The following SYT1 variants were observed in gnomAD, a reference collection of about 807,000 sequenced individuals.
The protein encoded by SYT1 is synaptotagmin 1.
Under a neutral mutation model 44.8 loss-of-function variants are expected in SYT1, and 8 were observed. The ratio of observed to expected loss-of-function variants is 0.18; its 90% CI spans 0.10 to 0.32. The LOEUF (loss-of-function observed/expected upper bound fraction) is 0.32. Ranked by LOEUF, SYT1 falls within the 10% of genes least tolerant of loss-of-function variation. SYT1 has a pLI of 1.00. For synonymous variants in SYT1, 154 were observed against 188.8 expected, an observed-to-expected ratio of 0.82 and a Z score of 1.51; for missense variants, 286 against 509.3, an observed-to-expected ratio of 0.56 and a Z score of 4.22.
At chr12:79,413,275 G>C (rs1428018136) in intron 9 of SYT1, among the ~76,000 whole-genome samples, 1 of 152,130 alleles carries the variant, frequency 6.6e-6, no homozygotes, top group Non-Finnish European at 1.5e-5. Flanking sequence ...GTGATTTATG[G>C]GTTTTCTCCC....
intron 3 of SYT1, among the ~76,000 whole-genome samples, chr12:79,161,920 G>T (rs1870971717): frequency 6.6e-6 from 1 of 152,062 alleles, no homozygotes; most frequent in South Asian, 2.1e-4. Flanking sequence ...TTTCCCTAAG[G>T]ATATCTGGAA....
intron 9 of SYT1, among the ~76,000 whole-genome samples, chr12:79,422,694 C>T (rs1023278039): frequency 2.0e-5 from 3 of 151,948 alleles, no homozygotes; most frequent in African/African-American, 4.8e-5. Flanking sequence ...CTCTCTCTCT[C>T]TGGGATTTGT....
At chr12:79,335,975 T>C (rs1167568457) in intron 8 of SYT1, among the ~76,000 whole-genome samples, 1 of 152,228 alleles carries the variant, frequency 6.6e-6, no homozygotes, top group Non-Finnish European at 1.5e-5. Flanking sequence ...TACTACATCA[T>C]AATGGGATTT....
chr12:79,339,196 G>T (rs1592980086), intron 8 of SYT1, among the ~76,000 whole-genome samples: 1 of 152,270 alleles, frequency 6.6e-6, no homozygotes, highest in East Asian at 1.9e-4. Context: ...TAATGGGATG[G>T]CTGGGTCAAA....
At chr12:79,225,781 A>ATT (rs975982938) in intron 4 of SYT1, among the ~76,000 whole-genome samples, 2 of 152,088 alleles carry the variant, frequency 1.3e-5, no homozygotes, top group African/African-American at 4.8e-5. Flanking sequence ...AGCCTAACTC[A>ATT]TTTACCCATT....
intron 1 of SYT1, among the ~76,000 whole-genome samples, chr12:78,912,755 A>G (rs561598454): frequency 1.3e-5 from 2 of 152,052 alleles, no homozygotes; most frequent in South Asian, 4.1e-4. Flanking sequence ...TTGGTAGGAC[A>G]TCTAAGTGTT....
At chr12:79,009,579 A>G (rs1206106513) in intron 2 of SYT1, among the ~76,000 whole-genome samples, 1 of 152,198 alleles carries the variant, frequency 6.6e-6, no homozygotes, top group African/African-American at 2.4e-5. Context: ...TACCCTATGA[A>G]GTAAGTAACA....
intron 1 of SYT1, among the ~76,000 whole-genome samples, chr12:78,884,716 G>A (rs1367767550): frequency 6.6e-6 from 1 of 151,118 alleles, no homozygotes; most frequent in African/African-American, 2.4e-5. Flanking sequence ...TGCAATTGTT[G>A]AGTTTAAGAA....
chr12:79,324,188 G>A (rs964716746), intron 8 of SYT1, among the ~76,000 whole-genome samples: 2 of 152,026 alleles, frequency 1.3e-5, no homozygotes, highest in African/African-American at 4.8e-5. Flanking sequence ...CTGACCTTGT[G>A]ATCTGCCTGC....
chr12:79,074,369 C>G (rs906958946), intron 3 of SYT1, among the ~76,000 whole-genome samples: 2 of 152,124 alleles, frequency 1.3e-5, no homozygotes, highest in Non-Finnish European at 2.9e-5. Flanking sequence ...TTAAAAGGCT[C>G]CAGATCCAAG....
chr12:79,134,217 A>T (rs1869036622), intron 3 of SYT1, among the ~76,000 whole-genome samples: 1 of 152,068 alleles, frequency 6.6e-6, no homozygotes, highest in South Asian at 2.1e-4. Flanking sequence ...GAGAATATGG[A>T]AGCATGGAAA....
At chr12:79,186,804 T>C (rs1324476276) in intron 3 of SYT1, among the ~76,000 whole-genome samples, 1 of 152,060 alleles carries the variant, frequency 6.6e-6, no homozygotes. Context: ...AGTGAATAAT[T>C]AGTGAATGTC....
At chr12:79,413,231 C>T (rs1455549750) in intron 9 of SYT1, among the ~76,000 whole-genome samples, 1 of 152,156 alleles carries the variant, frequency 6.6e-6, no homozygotes, top group Non-Finnish European at 1.5e-5. Flanking sequence ...TCTTGGCTCG[C>T]ATTGTGTTGA....
intron 8 of SYT1, among the ~76,000 whole-genome samples, chr12:79,322,741 C>T (rs539270621): frequency 9.9e-5 from 15 of 151,972 alleles, no homozygotes; most frequent in Admixed American, 1.3e-4. Context: ...AGTGAGAGAG[C>T]GCAGTGATGA....
chr12:79,270,478 T>C (rs1167668621), intron 4 of SYT1, among the ~76,000 whole-genome samples: 3 of 152,154 alleles, frequency 2.0e-5, no homozygotes, highest in Admixed American at 6.5e-5. Context: ...TTGGCTGAAA[T>C]ATCTGGGACT....
chr12:79,371,619 G>A (rs550960653), intron 9 of SYT1, among the ~76,000 whole-genome samples: 1 of 152,170 alleles, frequency 6.6e-6, no homozygotes, highest in Non-Finnish European at 1.5e-5. Context: ...AAAGAGGAAG[G>A]TTAGTGTTTA....
intron 4 of SYT1, among the ~76,000 whole-genome samples, chr12:79,276,611 G>A (rs142730765): frequency 0.011 from 1,646 of 151,570 alleles, 30 homozygotes; most frequent in African/African-American, 0.036. Flanking sequence ...GGGAGGCAGA[G>A]GTTGCAGTGA....
chr12:79,424,081 TAAAG>T (rs1869284040), intron 9 of SYT1, among the ~76,000 whole-genome samples: 1 of 152,038 alleles, frequency 6.6e-6, no homozygotes, highest in Admixed American at 6.6e-5. Flanking sequence ...GTTCAGATTA[TAAAG>T]AGAGTATTTG....
intron 3 of SYT1, among the ~76,000 whole-genome samples, chr12:79,083,579 A>C (rs1440818781): frequency 6.6e-6 from 1 of 152,194 alleles, no homozygotes; most frequent in Non-Finnish European, 1.5e-5. Flanking sequence ...AAATTGCTAA[A>C]AATAAGAGTA....
Sources: allele counts gnomAD v4.1 joint callset (sites outside exome capture counted in the v4.1 genomes callset), GRCh38; gene constraint gnomAD v4.1.1; transcripts MANE v1.5; gene names NCBI Gene and HGNC (gene_info 2026-07-23, HGNC 2026-07-21).